ABCA13: variants seen among roughly 807,000 people sequenced by gnomAD.
The protein encoded by ABCA13 is ATP-binding cassette sub-family A member 13.
ABCA13 carries 476 observed loss-of-function variants against 478.7 expected under a neutral mutation model. The ratio of observed to expected loss-of-function variants is 0.99; its 90% CI spans 0.92 to 1.07. The LOEUF (loss-of-function observed/expected upper bound fraction) is 1.07. ABCA13 is among the 50% of genes least tolerant of loss of function. The probability of loss-of-function intolerance (pLI) is 0.00; values close to 1 mark genes in which losing one functional copy is unlikely to be tolerated. For missense variants in ABCA13, 6,060 were observed against 5,910.6 expected (o/e 1.03, Z -0.83); for synonymous variants, 2,252 against 2,158.9 (o/e 1.04, Z -1.20).
rs550203715 is a variant in ABCA13 at position 48,640,586 on chromosome 7, A to G, written c.14838-2702A>G. The stretch of plus-strand genomic sequence containing the variant: ...TATACAAATAATGTGGACATAACGT[A>G]TTATCTAGAAATGTTAGATCAATGA... On this transcript the variant is annotated intron_variant, in intron 59 of 61. Coordinates refer to ENST00000435803, the MANE Select transcript of ABCA13 (RefSeq NM_152701.5). Among the ~76,000 whole-genome samples the G allele has an allele frequency of 3.6e-3, 555 of 152,320 alleles. 2 individuals carry two copies. Among genetic ancestry groups the G allele is most frequent in the Non-Finnish European group, 5.3e-3 (359 of 68,008 alleles).
At chr7:48,486,360 A>T (rs1326040881) in intron 47 of ABCA13, among the ~76,000 whole-genome samples, 1 of 152,194 alleles carries the variant, frequency 6.6e-6, no homozygotes, top group Non-Finnish European at 1.5e-5. Flanking sequence ...CCAGGTCAAG[A>T]TGTTTATTGG....
rs959328984 is a variant in ABCA13, at chr7:48,645,832, G to A, written c.*320G>A. On this transcript the variant is annotated 3_prime_UTR_variant, in exon 62 of 62. Transcript: ENST00000435803. Reference sequence around the variant, plus strand: ...AACTGAGACATTCTGGAGCTGGAAAGCCTGTCACACTAGAGTGTGTGTGAC... The same window carrying A: ...AACTGAGACATTCTGGAGCTGGAAAACCTGTCACACTAGAGTGTGTGTGAC... The A allele has an allele frequency of 1.7e-5, 5 of 295,928 alleles. No individual in the cohort carries two copies. The highest frequency in any genetic ancestry group is 1.9e-5 in the Non-Finnish European group (3 of 157,662). 18.3% of individuals were successfully genotyped at this position (295,928 alleles called of 1,614,324 possible). A position where few individuals can be genotyped will look rare whatever the true frequency, so the allele number is the denominator to read the frequency against.
intron 39 of ABCA13, among the ~76,000 whole-genome samples, chr7:48,408,312 T>C (rs1818531784): frequency 1.3e-5 from 2 of 151,842 alleles, no homozygotes; most frequent in Non-Finnish European, 2.9e-5. Flanking sequence ...ATTTAGATTC[T>C]AGTTGACTTT....
chr7:48,623,212 C>A (rs1793323927), intron 59 of ABCA13, among the ~76,000 whole-genome samples: 1 of 152,192 alleles, frequency 6.6e-6, no homozygotes, highest in African/African-American at 2.4e-5. Context: ...TTTTCCATTC[C>A]TATTGAGACC....
chr7:48,348,373 G>T (rs1388222168), intron 29 of ABCA13, among the ~76,000 whole-genome samples: 6 of 151,944 alleles, frequency 3.9e-5, no homozygotes, highest in Non-Finnish European at 7.3e-5. Flanking sequence ...ACAGCCAAAG[G>T]TCCTTTTCTG....
intron 3 of ABCA13, among the ~76,000 whole-genome samples, chr7:48,211,944 T>C (rs1785721345): frequency 6.6e-6 from 1 of 151,896 alleles, no homozygotes. Context: ...AGCACTCTAA[T>C]GGCTACTACA....
chr7:48,342,661 C>T (rs1481603639), intron 29 of ABCA13, among the ~76,000 whole-genome samples: 3 of 152,130 alleles, frequency 2.0e-5, no homozygotes, highest in African/African-American at 4.8e-5. Flanking sequence ...TGAAGCATTG[C>T]TTCTGATCAC....
chr7:48,593,951 C>CT (rs199745062), intron 57 of ABCA13, among the ~76,000 whole-genome samples: 1 of 151,602 alleles, frequency 6.6e-6, no homozygotes, highest in African/African-American at 2.4e-5. Context: ...TGTCATGAGC[C>CT]TTTTTTTTCC....
chr7:48,366,027 C>T (rs1260752907), intron 31 of ABCA13, among the ~76,000 whole-genome samples: 2 of 152,016 alleles, frequency 1.3e-5, no homozygotes, highest in Non-Finnish European at 2.9e-5. Context: ...ACAAAAGACC[C>T]AGAATAACCA....
At chr7:48,308,943 G>C (rs1801324390) in intron 23 of ABCA13, among the ~76,000 whole-genome samples, 1 of 144,042 alleles carries the variant, frequency 6.9e-6, no homozygotes, top group Non-Finnish European at 1.5e-5. Flanking sequence ...CTAGGATGCT[G>C]TAAGTGCACA....
At position 48,227,279 on chromosome 7, in the gene ABCA13, C is replaced by A. The variant is rs17132152; in HGVS notation, c.486C>A (p.Thr162=). 14,201 of 1,613,518 alleles carry A rather than the reference C, an allele frequency of 8.8e-3. 127 individuals carry two copies. Among genetic ancestry groups the A allele is most frequent in the Middle Eastern group, 0.058 (353 of 6,062 alleles). The change falls in exon 6 of 62, where the codon ACC becomes ACA. Residue 162 remains threonine (T), a synonymous_variant. Transcript: ENST00000435803. ...CCCATCAGATGGATCTCAATAAGAC[C>A]GAGGAGGTAATATTGAAACTGGAAA... ...SSFFTMDLNK[T]EEVILKLESL... is the part of the protein sequence containing the mutation.
At chr7:48,536,831 CTATA>C (rs1833616959) in intron 55 of ABCA13, among the ~76,000 whole-genome samples, 1 of 151,540 alleles carries the variant, frequency 6.6e-6, no homozygotes, top group African/African-American at 2.4e-5. Flanking sequence ...TGCTAATAGT[CTATA>C]TAGATTTTAT....
intron 58 of ABCA13, among the ~76,000 whole-genome samples, chr7:48,611,728 G>T (rs1404013592): frequency 1.3e-5 from 2 of 152,090 alleles, no homozygotes; most frequent in Non-Finnish European, 2.9e-5. Flanking sequence ...TCCAACACAG[G>T]TGATCACAAT....
At chr7:48,218,561 G>A (rs889714655) in intron 3 of ABCA13, among the ~76,000 whole-genome samples, 1 of 152,178 alleles carries the variant, frequency 6.6e-6, no homozygotes, top group South Asian at 2.1e-4. Context: ...AAAAACAGGT[G>A]AGATTTCTGT....
chr7:48,430,725 C>G (rs6973231), intron 42 of ABCA13, among the ~76,000 whole-genome samples: 1 of 147,376 alleles, frequency 6.8e-6, no homozygotes, highest in African/African-American at 2.5e-5. Context: ...ATTTCCACTT[C>G]TAATAATTTG....
chr7:48,595,624 A>T (rs1239379156), intron 58 of ABCA13, among the ~76,000 whole-genome samples: 1 of 152,212 alleles, frequency 6.6e-6, no homozygotes, highest in East Asian at 1.9e-4. Flanking sequence ...CAGTAGCCAG[A>T]GTGTCAGCAT....
chr7:48,285,918 A>G (rs1036341864), intron 19 of ABCA13, among the ~76,000 whole-genome samples: 7 of 152,234 alleles, frequency 4.6e-5, no homozygotes, highest in African/African-American at 4.8e-5. Context: ...AATAAGATTA[A>G]TGAGAAAAGA....
chr7:48,540,759 A>G (rs1833892894), intron 55 of ABCA13, among the ~76,000 whole-genome samples: 1 of 152,134 alleles, frequency 6.6e-6, no homozygotes, highest in Non-Finnish European at 1.5e-5. Flanking sequence ...AGAGTAATAC[A>G]TGTCTAAATA....
At chr7:48,597,144 G>T (rs1383657373) in intron 58 of ABCA13, among the ~76,000 whole-genome samples, 1 of 151,998 alleles carries the variant, frequency 6.6e-6, no homozygotes, top group Admixed American at 6.6e-5. Flanking sequence ...TAGAGACGGG[G>T]TTTCACCGTG....
Sources: gnomAD v4.1 joint callset for allele counts (sites outside exome capture counted in the v4.1 genomes callset) on GRCh38, gnomAD v4.1.1 for gene constraint, MANE v1.5 for transcripts, NCBI Gene and HGNC (gene_info 2026-07-23, HGNC 2026-07-21) for gene names.